The following CTNNA3 variants were observed in gnomAD, a reference collection of about 807,000 sequenced individuals.
CTNNA3 encodes the protein catenin alpha-3.
A neutral mutation model predicts 95.7 loss-of-function variants in CTNNA3; 76 were observed. That is an observed-to-expected ratio of 0.79 (90% CI 0.66 to 0.96). The LOEUF is 0.96. CTNNA3 is among the 40% of genes least tolerant of loss of function. The probability of loss-of-function intolerance (pLI) is 0.00; values close to 1 mark genes in which losing one functional copy is unlikely to be tolerated. For missense variants in CTNNA3, 1,191 were observed against 1,089.8 expected, an observed-to-expected ratio of 1.09 and a Z score of -1.31; for synonymous variants, 431 against 374.4, an observed-to-expected ratio of 1.15 and a Z score of -1.74.
At chr10:65,989,644 T>C (rs1332300994) in intron 15 of CTNNA3, among the ~76,000 whole-genome samples, 1 of 152,220 alleles carries the variant, frequency 6.6e-6, no homozygotes, top group African/African-American at 2.4e-5. Flanking sequence ...TGTACATACA[T>C]AGAATGTGTA....
At chr10:67,530,156 A>G (rs1840282376) in intron 4 of CTNNA3, among the ~76,000 whole-genome samples, 1 of 152,208 alleles carries the variant, frequency 6.6e-6, no homozygotes. Context: ...TAGCAGCATG[A>G]AAACAGACTA....
chr10:67,552,996 C>T (rs1275030363), intron 3 of CTNNA3, among the ~76,000 whole-genome samples: 3 of 152,026 alleles, frequency 2.0e-5, no homozygotes, highest in South Asian at 2.1e-4. Flanking sequence ...TTTTTTACCA[C>T]CCAATCTCTT....
At chr10:66,434,008 G>A (rs891853191) in intron 11 of CTNNA3, among the ~76,000 whole-genome samples, 3 of 152,148 alleles carry the variant, frequency 2.0e-5, no homozygotes, top group African/African-American at 7.2e-5. Flanking sequence ...CTATATATCT[G>A]TTTTGGTAAC....
rs551087497 is a variant in CTNNA3, at chr10:65,987,015, G to A, written c.2265+1677C>T. ...AATTGGATATCTATTGCAGAAAAAT[G>A]AAACTAGGCCCCTACCTTTCACCAT... On this transcript the variant is annotated intron_variant, in intron 16 of 17. Transcript: ENST00000433211. Among the ~76,000 whole-genome samples the A allele has an allele frequency of 4.5e-4, 68 of 152,050 alleles. 1 individual carries two copies. The South Asian group carries it at 5.6e-3, about 13-fold the overall frequency.
At chr10:66,767,837 T>C (rs760912135) in intron 8 of CTNNA3, among the ~76,000 whole-genome samples, 2 of 152,196 alleles carry the variant, frequency 1.3e-5, no homozygotes, top group Non-Finnish European at 2.9e-5. Flanking sequence ...CTCAGAAGCA[T>C]TGTGAAATTT....
intron 13 of CTNNA3, among the ~76,000 whole-genome samples, chr10:66,230,400 T>G (rs141657048): frequency 4.3e-4 from 65 of 152,202 alleles, no homozygotes; most frequent in African/African-American, 1.5e-3. Context: ...ATAGAGTGCT[T>G]TGGTTAAGGT....
intron 6 of CTNNA3, among the ~76,000 whole-genome samples, chr10:67,204,948 G>A (rs10997572): frequency 6.6e-6 from 1 of 152,032 alleles, no homozygotes; most frequent in African/African-American, 2.4e-5. Flanking sequence ...TCTTAGGCTC[G>A]CTCTGTAATA....
At chr10:66,558,931 C>A (rs1564532417) in intron 10 of CTNNA3, among the ~76,000 whole-genome samples, 1 of 152,008 alleles carries the variant, frequency 6.6e-6, no homozygotes, top group South Asian at 2.1e-4. Flanking sequence ...TTATATTTCA[C>A]CCTAATTTTA....
intron 7 of CTNNA3, among the ~76,000 whole-genome samples, chr10:67,155,837 C>T (rs951926073): frequency 1.3e-5 from 2 of 152,072 alleles, no homozygotes; most frequent in African/African-American, 4.8e-5. Context: ...CCCTTCTCTT[C>T]AATTTTTAGA....
chr10:66,995,386 C>T (rs1430660115), intron 7 of CTNNA3, among the ~76,000 whole-genome samples: 2 of 152,144 alleles, frequency 1.3e-5, no homozygotes, highest in Non-Finnish European at 2.9e-5. Context: ...GGTTCAAGTC[C>T]TCATCATCTC....
At chr10:67,071,247 TACA>T (rs892602803) in intron 7 of CTNNA3, among the ~76,000 whole-genome samples, 2 of 152,154 alleles carry the variant, frequency 1.3e-5, no homozygotes, top group African/African-American at 4.8e-5. Flanking sequence ...TTCTTCTACT[TACA>T]ACAATTCCCT....
intron 12 of CTNNA3, among the ~76,000 whole-genome samples, chr10:66,300,569 A>G (rs897297551): frequency 6.6e-6 from 1 of 151,746 alleles, no homozygotes; most frequent in African/African-American, 2.4e-5. Flanking sequence ...TCCTGATACT[A>G]GATGATGAGA....
intron 7 of CTNNA3, among the ~76,000 whole-genome samples, chr10:66,995,961 T>C (rs1426617085): frequency 6.6e-6 from 1 of 152,236 alleles, no homozygotes; most frequent in Non-Finnish European, 1.5e-5. Flanking sequence ...TTGTATCCTA[T>C]AAACATAAAT....
At chr10:67,101,078 A>C (rs1858308903) in intron 7 of CTNNA3, among the ~76,000 whole-genome samples, 1 of 151,782 alleles carries the variant, frequency 6.6e-6, no homozygotes, top group South Asian at 2.1e-4. Flanking sequence ...TCTCACATTA[A>C]AACTCTGTTC....
intron 2 of CTNNA3, among the ~76,000 whole-genome samples, chr10:67,626,539 G>T (rs59125964): frequency 6.6e-6 from 1 of 151,980 alleles, no homozygotes; most frequent in Non-Finnish European, 1.5e-5. Context: ...CTTTCTCTAC[G>T]TCTGATACAC....
rs575093975 is a variant in CTNNA3 at position 67,290,691 on chromosome 10, G to A, written c.580-70821C>T. Among the ~76,000 whole-genome samples, 177 of 152,228 alleles carry A rather than the reference G, an allele frequency of 1.2e-3. 3 individuals carry two copies. Among genetic ancestry groups the A allele is most frequent in the African/African-American group, 4.2e-3 (173 of 41,522 alleles). On this transcript the variant is annotated intron_variant, in intron 5 of 17. Transcript: ENST00000433211. ...AGGATAACCAGATCTTTGACTCAAA[G>A]ATGTCTGACTCCAGAGCTTCCTCCA...
At chr10:67,251,608 T>C (rs746860269) in intron 5 of CTNNA3, among the ~76,000 whole-genome samples, 4 of 152,154 alleles carry the variant, frequency 2.6e-5, no homozygotes, top group Admixed American at 6.5e-5. Flanking sequence ...GCTAATACTT[T>C]GGCAGCTCAG....
chr10:67,521,815 TCCACCA>T (rs1268783203), intron 5 of CTNNA3, 21 bp downstream of exon 5: 6 of 1,605,576 alleles, frequency 3.7e-6, no homozygotes, highest in Middle Eastern at 3.3e-4. Flanking sequence ...GTTCATCTCC[TCCACCA>T]AGGAGAGCTC....
At chr10:66,612,489 G>C (rs2660031) in intron 10 of CTNNA3, among the ~76,000 whole-genome samples, 51,061 of 151,836 alleles carry the variant, frequency 0.34, 10,132 homozygotes, top group East Asian at 0.85. Context: ...TGGTTCTTAA[G>C]TGGGGCAACA....
Sources: gnomAD v4.1 joint callset for allele counts (sites outside exome capture counted in the v4.1 genomes callset) on GRCh38, gnomAD v4.1.1 for gene constraint, MANE v1.5 for transcripts, NCBI Gene and HGNC (gene_info 2026-07-23, HGNC 2026-07-21) for gene names.